PITPNC1: variants seen among roughly 807,000 people sequenced by gnomAD.
PITPNC1 encodes the protein cytoplasmic phosphatidylinositol transfer protein 1.
A neutral mutation model predicts 44.7 loss-of-function variants in PITPNC1; 18 were observed. The ratio of observed to expected loss-of-function variants is 0.40; its 90% CI spans 0.28 to 0.60. The LOEUF (loss-of-function observed/expected upper bound fraction) is 0.60, where lower values mean the gene tolerates loss of function less well. Among genes scored for constraint, PITPNC1 ranks in the 20% least tolerant of loss-of-function variants. The pLI, the probability that PITPNC1 is intolerant of heterozygous loss-of-function variation, is 0.39. For missense variants in PITPNC1, 290 were observed against 418.4 expected (o/e 0.69, Z 2.68); for synonymous variants, 141 against 149.6 (o/e 0.94, Z 0.42).
chr17:67,511,929 G>A (rs992718660), intron 1 of PITPNC1, among the ~76,000 whole-genome samples: 1 of 152,192 alleles, frequency 6.6e-6, no homozygotes, highest in African/African-American at 2.4e-5. Context: ...ATTACTTGAG[G>A]TTGAACATTT....
intron 5 of PITPNC1, among the ~76,000 whole-genome samples, chr17:67,586,466 A>G (rs1444964354): frequency 6.6e-6 from 1 of 150,528 alleles, no homozygotes; most frequent in Non-Finnish European, 1.5e-5. Context: ...GTGGTGGTGC[A>G]TGCCTGTAAT....
chr17:67,422,529 C>G (rs1000803029), intron 1 of PITPNC1, among the ~76,000 whole-genome samples: 1 of 152,144 alleles, frequency 6.6e-6, no homozygotes, highest in Non-Finnish European at 1.5e-5. Context: ...CTGCCCAGCC[C>G]TAGCTTGCTC....
chr17:67,548,530 G>A (rs2040715705), intron 2 of PITPNC1, among the ~76,000 whole-genome samples: 1 of 152,186 alleles, frequency 6.6e-6, no homozygotes, highest in South Asian at 2.1e-4. Context: ...GATGGAGGTT[G>A]CAGTGAGCCG....
chr17:67,578,710 A>T (rs968802762), intron 5 of PITPNC1, among the ~76,000 whole-genome samples: 2 of 152,380 alleles, frequency 1.3e-5, no homozygotes, highest in African/African-American at 4.8e-5. Flanking sequence ...GGCCTGGTGC[A>T]GTGGCTCACG....
chr17:67,392,973 C>T (rs1373749326), intron 1 of PITPNC1, among the ~76,000 whole-genome samples: 2 of 151,806 alleles, frequency 1.3e-5, no homozygotes, highest in South Asian at 2.1e-4. Flanking sequence ...ACTAAAAATA[C>T]AGAAAAGTTA....
At chr17:67,569,057 C>A (rs1429094901) in intron 4 of PITPNC1, among the ~76,000 whole-genome samples, 1 of 151,920 alleles carries the variant, frequency 6.6e-6, no homozygotes, top group Non-Finnish European at 1.5e-5. Context: ...CCAGGGCCCC[C>A]ATTCACTGCA....
At chr17:67,565,330 T>G (rs2040961269) in intron 4 of PITPNC1, among the ~76,000 whole-genome samples, 1 of 152,144 alleles carries the variant, frequency 6.6e-6, no homozygotes, top group African/African-American at 2.4e-5. Flanking sequence ...ATACTAGTTT[T>G]TCCATGTTTT....
At chr17:67,561,174 G>A (rs1448163631) in intron 4 of PITPNC1, among the ~76,000 whole-genome samples, 1 of 152,208 alleles carries the variant, frequency 6.6e-6, no homozygotes, top group Non-Finnish European at 1.5e-5. Context: ...TGAATGCAAA[G>A]GCCGGGTGTG....
At chr17:67,571,604 C>G (rs920132751) in intron 4 of PITPNC1, among the ~76,000 whole-genome samples, 3 of 152,220 alleles carry the variant, frequency 2.0e-5, no homozygotes, top group Admixed American at 2.0e-4. Flanking sequence ...GGTCCTCTTC[C>G]ACGCTCACTG....
intron 5 of PITPNC1, among the ~76,000 whole-genome samples, chr17:67,618,360 GTC>G (rs1157049725): frequency 8.0e-5 from 4 of 49,998 alleles, no homozygotes; most frequent in Admixed American, 3.8e-4. Context: ...GCGAGACTCC[GTC>G]TCAAAAAAAA....
chr17:67,426,450 C>T (rs2038766770), intron 1 of PITPNC1, among the ~76,000 whole-genome samples: 1 of 152,150 alleles, frequency 6.6e-6, no homozygotes, highest in East Asian at 1.9e-4. Flanking sequence ...GAGATCATGT[C>T]CTTTGCAGGA....
intron 5 of PITPNC1, 63 bp downstream of exon 5, chr17:67,578,320 C>T (rs1027133677): frequency 1.6e-4 from 181 of 1,153,034 alleles, no homozygotes; most frequent in Admixed American, 2.6e-4. Context: ...CAGCACTTCT[C>T]ACAGCCCCTC....
At chr17:67,606,161 G>A (rs1232284948) in intron 5 of PITPNC1, among the ~76,000 whole-genome samples, 1 of 152,020 alleles carries the variant, frequency 6.6e-6, no homozygotes, top group Non-Finnish European at 1.5e-5. Flanking sequence ...ATAAGCGAGG[G>A]AATTATTTCG....
intron 1 of PITPNC1, among the ~76,000 whole-genome samples, chr17:67,397,865 G>A (rs1315984679): frequency 6.6e-6 from 1 of 152,140 alleles, no homozygotes; most frequent in Non-Finnish European, 1.5e-5. Flanking sequence ...AGGCCGAGGC[G>A]GGCCGATCAC....
At chr17:67,528,531 TG>T (rs1158593587) in intron 1 of PITPNC1, among the ~76,000 whole-genome samples, 2 of 152,228 alleles carry the variant, frequency 1.3e-5, no homozygotes, top group Non-Finnish European at 2.9e-5. Flanking sequence ...CATACAAGTT[TG>T]TTTGGAGCTG....
At chr17:67,450,674 G>A (rs551799292) in intron 1 of PITPNC1, among the ~76,000 whole-genome samples, 17 of 152,170 alleles carry the variant, frequency 1.1e-4, no homozygotes, top group South Asian at 2.1e-4. Flanking sequence ...TGATCCACCC[G>A]CATCAGACTC....
At chr17:67,491,991 CCTTTTTTTTT>C (rs1208601148) in intron 1 of PITPNC1, among the ~76,000 whole-genome samples, 2 of 149,500 alleles carry the variant, frequency 1.3e-5, no homozygotes, top group Non-Finnish European at 3.0e-5. Flanking sequence ...GAGCGGTCTT[CCTTTTTTTTT>C]CTTTTTTTTT....
intron 5 of PITPNC1, 139 bp from the exon 6 acceptor site, chr17:67,632,004 A>T (rs186581871): frequency 1.6e-6 from 1 of 606,352 alleles, no homozygotes; most frequent in African/African-American, 1.9e-5. Flanking sequence ...ATTCTTGCGC[A>T]TTCTGAGGCT....
At chr17:67,384,709 G>A (rs536082379) in intron 1 of PITPNC1, among the ~76,000 whole-genome samples, 4 of 152,372 alleles carry the variant, frequency 2.6e-5, no homozygotes, top group African/African-American at 9.6e-5. Flanking sequence ...ACAGGCATGA[G>A]CCACTGCGCC....
Sources: allele counts gnomAD v4.1 joint callset (sites outside exome capture counted in the v4.1 genomes callset), GRCh38; gene constraint gnomAD v4.1.1; transcripts MANE v1.5; gene names NCBI Gene and HGNC (gene_info 2026-07-23, HGNC 2026-07-21).